GRIK2: variants seen among roughly 807,000 people sequenced by gnomAD.
The protein encoded by GRIK2 is glutamate receptor ionotropic, kainate 2.
Under a neutral mutation model 100.3 loss-of-function variants are expected in GRIK2, and 32 were observed. The observed-to-expected ratio is 0.32, with a 90% CI of 0.24 to 0.43. GRIK2 has a LOEUF of 0.43. Among genes scored for constraint, GRIK2 ranks in the 20% least tolerant of loss-of-function variants. The probability of loss-of-function intolerance (pLI) is 1.00; values close to 1 mark genes in which losing one functional copy is unlikely to be tolerated. For synonymous variants in GRIK2, 417 were observed against 389.4 expected (o/e 1.07, Z -0.83); for missense variants, 843 against 1,114.9 (o/e 0.76, Z 3.47).
chr6:101,993,200 G>C (rs1378367716), intron 14 of GRIK2: 1 of 151,066 alleles, frequency 6.6e-6, no homozygotes, highest in Admixed American at 6.6e-5. Flanking sequence ...AAAAGAATGA[G>C]GAGGAATAAG....
intron 2 of GRIK2, among the ~76,000 whole-genome samples, chr6:101,508,911 T>A (rs2128277166): frequency 6.6e-6 from 1 of 152,226 alleles, no homozygotes; most frequent in South Asian, 2.1e-4. Context: ...ATCTCAGCAC[T>A]TCGGGAGGCC....
chr6:101,858,074 C>A (rs1227758827), intron 10 of GRIK2, among the ~76,000 whole-genome samples: 1 of 152,210 alleles, frequency 6.6e-6, no homozygotes, highest in Non-Finnish European at 1.5e-5. Context: ...CTTACCTTCT[C>A]TGAAAAGACT....
At chr6:102,049,273 A>G (rs1190980374) in intron 15 of GRIK2, among the ~76,000 whole-genome samples, 1 of 152,158 alleles carries the variant, frequency 6.6e-6, no homozygotes, top group Non-Finnish European at 1.5e-5. Context: ...AGGAGAGTAC[A>G]TAGGGTCAGA....
intron 2 of GRIK2, among the ~76,000 whole-genome samples, chr6:101,463,847 A>T (rs564192588): frequency 2.0e-5 from 3 of 152,032 alleles, no homozygotes; most frequent in East Asian, 3.9e-4. Context: ...AAAAAAAAAA[A>T]ATTTCACTTT....
intron 14 of GRIK2, among the ~76,000 whole-genome samples, chr6:101,990,972 T>G (rs1318298330): frequency 6.6e-6 from 1 of 151,942 alleles, no homozygotes; most frequent in Admixed American, 6.6e-5. Context: ...TCAATAAATA[T>G]TTATTTACCA....
At position 101,686,326 on chromosome 6, in the gene GRIK2, T is replaced by C. The variant is rs146795156; in HGVS notation, c.924T>C (p.Asp308=). Residue 308 remains aspartate (D), a synonymous_variant, in exon 7 of 17, where the codon GAT becomes GAC. Transcript: ENST00000369134. The part of the protein sequence containing the change: ...MERLQAPPKP[D]SGLLDGFMTT... ...GATTGCAGGCACCTCCGAAACCCGA[T>C]TCAGGTTTGCTGGATGGATTTATGA... 516 of 1,613,344 alleles carry C rather than the reference T, an allele frequency of 3.2e-4. No homozygotes were observed. The highest frequency in any genetic ancestry group is 4.0e-4 in the Non-Finnish European group (474 of 1,179,516).
intron 2 of GRIK2, chr6:101,431,136 G>C (rs1769363024): frequency 4.1e-6 from 1 of 245,104 alleles, no homozygotes; most frequent in African/African-American, 2.3e-5. Context: ...GTTCAGAGGA[G>C]CCTCGGGCAG....
chr6:102,019,338 T>TG (rs1247090716), intron 14 of GRIK2, among the ~76,000 whole-genome samples: 1 of 152,090 alleles, frequency 6.6e-6, no homozygotes, highest in African/African-American at 2.4e-5. Flanking sequence ...AATGCTCTGG[T>TG]GAAGTAGCTG....
intron 2 of GRIK2, among the ~76,000 whole-genome samples, chr6:101,582,317 G>A (rs149820755): frequency 0.038 from 5,757 of 152,146 alleles, 203 homozygotes; most frequent in South Asian, 0.045. Flanking sequence ...GTGAGAACAT[G>A]TGGTGTTTGG....
intron 2 of GRIK2, among the ~76,000 whole-genome samples, chr6:101,471,268 A>G (rs1443093146): frequency 6.6e-6 from 1 of 152,002 alleles, no homozygotes; most frequent in Non-Finnish European, 1.5e-5. Flanking sequence ...AGATTAAACG[A>G]TCTCTCATAT....
At chr6:102,006,055 C>CATCT (rs960401603) in intron 14 of GRIK2, among the ~76,000 whole-genome samples, 11 of 151,880 alleles carry the variant, frequency 7.2e-5, no homozygotes, top group African/African-American at 2.4e-4. Context: ...TGTTTAAAGG[C>CATCT]ATCTATCTCC....
intron 4 of GRIK2, among the ~76,000 whole-genome samples, chr6:101,634,698 A>G (rs1255092235): frequency 6.6e-6 from 1 of 152,088 alleles, no homozygotes; most frequent in South Asian, 2.1e-4. Flanking sequence ...CAGAATGTAC[A>G]TTCTTTTCAT....
At chr6:101,605,949 T>C (rs1779420606) in intron 2 of GRIK2, among the ~76,000 whole-genome samples, 1 of 152,060 alleles carries the variant, frequency 6.6e-6, no homozygotes, top group South Asian at 2.1e-4. Flanking sequence ...GCTCACTTCC[T>C]ATTCTTGGGT....
intron 7 of GRIK2, among the ~76,000 whole-genome samples, chr6:101,786,959 G>T (rs1779464722): frequency 6.6e-6 from 1 of 151,882 alleles, no homozygotes; most frequent in African/African-American, 2.4e-5. Context: ...GCTTTTCTTT[G>T]GTGGAAGCCA....
At chr6:101,619,741 AG>A (rs1780057189) in intron 2 of GRIK2, among the ~76,000 whole-genome samples, 1 of 152,052 alleles carries the variant, frequency 6.6e-6, no homozygotes, top group African/African-American at 2.4e-5. Context: ...TTACATTTTT[AG>A]TTACGTCTTA....
At chr6:101,727,398 TTAAACAA>T (rs1396003059) in intron 7 of GRIK2, among the ~76,000 whole-genome samples, 1 of 152,026 alleles carries the variant, frequency 6.6e-6, no homozygotes, top group Non-Finnish European at 1.5e-5. Context: ...GGAGTGTACT[TTAAACAA>T]TAAATTATTG....
intron 16 of GRIK2, among the ~76,000 whole-genome samples, chr6:102,063,545 C>T (rs1450590664): frequency 6.6e-6 from 1 of 150,622 alleles, no homozygotes; most frequent in African/African-American, 2.4e-5. Context: ...CAATGTGGAG[C>T]ATGATTTCAA....
chr6:101,891,283 C>A (rs570081073), intron 12 of GRIK2, among the ~76,000 whole-genome samples: 1 of 151,864 alleles, frequency 6.6e-6, no homozygotes, highest in Non-Finnish European at 1.5e-5. Flanking sequence ...CTTTGGGAGG[C>A]CAAGGCGGGC....
At chr6:101,885,086 A>C (rs1786521812) in intron 11 of GRIK2, among the ~76,000 whole-genome samples, 2 of 152,128 alleles carry the variant, frequency 1.3e-5, no homozygotes, top group African/African-American at 4.8e-5. Flanking sequence ...ACAGGAACTG[A>C]GACAATACAG....
Sources: gnomAD v4.1 joint callset for allele counts (sites outside exome capture counted in the v4.1 genomes callset) on GRCh38, gnomAD v4.1.1 for gene constraint, MANE v1.5 for transcripts, NCBI Gene and HGNC (gene_info 2026-07-23, HGNC 2026-07-21) for gene names.